NASP: variants seen among roughly 807,000 people sequenced by gnomAD.
NASP encodes the protein NASP histone chaperone.
A neutral mutation model predicts 89.5 loss-of-function variants in NASP; 24 were observed. The ratio of observed to expected loss-of-function variants is 0.27; its 90% CI spans 0.19 to 0.38. The LOEUF (loss-of-function observed/expected upper bound fraction) is 0.38, where lower values mean the gene tolerates loss of function less well. Among genes scored for constraint, NASP ranks in the 10% least tolerant of loss-of-function variants. The probability of loss-of-function intolerance (pLI) is 1.00; values close to 1 mark genes in which losing one functional copy is unlikely to be tolerated. For missense variants in NASP, 848 were observed against 921.4 expected, an observed-to-expected ratio of 0.92 and a Z score of 1.03; for synonymous variants, 306 against 324.7, an observed-to-expected ratio of 0.94 and a Z score of 0.62.
At chr1:45,585,661 GTGTTTTTGTTT>G (rs1403824103) in intron 1 of NASP, among the ~76,000 whole-genome samples, 1 of 152,118 alleles carries the variant, frequency 6.6e-6, no homozygotes, top group Non-Finnish European at 1.5e-5. Context: ...TGACAGCTGT[GTGTTTTTGTTT>G]TGTTTTTGCA....
At chr1:45,584,626 C>G (rs999285906) in intron 1 of NASP, among the ~76,000 whole-genome samples, 4 of 148,232 alleles carry the variant, frequency 2.7e-5, no homozygotes, top group Non-Finnish European at 4.5e-5. Flanking sequence ...AGATTTGGCG[C>G]CAAAAGGGAA....
At chr1:45,588,729 G>A (rs1255106860) in intron 1 of NASP, 2 of 374,190 alleles carry the variant, frequency 5.3e-6, no homozygotes, top group Non-Finnish European at 1.1e-5. Context: ...ACGAGGTCAG[G>A]AGATCGAGAC....
At chr1:45,586,282 GTGGTGTGT>G (rs1409008088) in intron 1 of NASP, among the ~76,000 whole-genome samples, 4 of 39,828 alleles carry the variant, frequency 1.0e-4, no homozygotes, top group East Asian at 6.2e-4. Context: ...GTGTGTGTGT[GTGGTGTGT>G]GTGTGTGTGT....
At chr1:45,610,687 A>G (rs1643992762) in intron 6 of NASP, 1 of 151,676 alleles carries the variant, frequency 6.6e-6, no homozygotes, top group Non-Finnish European at 1.5e-5. Flanking sequence ...ACAGCCTCAA[A>G]CTCCTATGCT....
At chr1:45,593,817 G>A (rs780820815) in intron 2 of NASP, among the ~76,000 whole-genome samples, 77 of 149,796 alleles carry the variant, frequency 5.1e-4, no homozygotes, top group Non-Finnish European at 9.5e-4. Context: ...CCAGGAGTTC[G>A]AGACCAGCCT....
intron 1 of NASP, among the ~76,000 whole-genome samples, chr1:45,590,549 CAAAAAAA>C (rs1036511604): frequency 5.1e-5 from 3 of 58,990 alleles, no homozygotes; most frequent in East Asian, 5.0e-4. Flanking sequence ...GACTCTGTCT[CAAAAAAA>C]AAAAAAAAAA....
In NASP at chr1:45,591,227, G is replaced by A; in HGVS notation, c.64G>A (p.Glu22Lys). The A allele has an allele frequency of 1.3e-6, 2 of 1,532,310 alleles. No homozygotes were observed. The highest frequency in any genetic ancestry group is 2.6e-5 in the South Asian group (2 of 77,712). 94.9% of individuals were successfully genotyped at this position (1,532,310 alleles called of 1,614,324 possible). A position where few individuals can be genotyped will look rare whatever the true frequency, so the allele number is the denominator to read the frequency against. Residue 22 changes from glutamate (E) to lysine (K), a missense_variant, in exon 2 of 15, where the codon GAA becomes AAA. Around this residue, in one of 5 missense-constraint regions of NASP, gnomAD observed 89 missense variants for 79.2 expected, o/e 1.12. Transcript: ENST00000350030. Reference sequence around the variant, plus strand: ...CCCTTTAATTTTTTATTACAGAATTGAAGATGTTCCTGCTCCTTCTACATC... The same window carrying A: ...CCCTTTAATTTTTTATTACAGAATTAAAGATGTTCCTGCTCCTTCTACATC... Reference protein sequence around the residue: ...AAELVSADKIEDVPAPSTSAD... With the variant: ...AAELVSADKIKDVPAPSTSAD...
rs1325707709 is a variant in NASP at position 45,605,088 on chromosome 1, G to A, written c.299+72G>A. The A allele has an allele frequency of 9.8e-6, 12 of 1,224,014 alleles. No homozygotes were observed. The African/African-American group carries it at 1.3e-4, about 14-fold the overall frequency. 75.8% of individuals were successfully genotyped at this position (1,224,014 alleles called of 1,614,324 possible). A position where few individuals can be genotyped will look rare whatever the true frequency, so the allele number is the denominator to read the frequency against. On this transcript the variant is annotated intron_variant, in intron 4 of 14. Coordinates refer to ENST00000350030, the MANE Select transcript of NASP (RefSeq NM_002482.4). ...TTACTAGCTTTGAGATTTCACAGGA[G>A]CTAAGCAAGATTGGTTTTACCTAGA...
intron 13 of NASP, 78 bp from the exon 14 acceptor site, chr1:45,617,385 G>A (rs1458340993): frequency 8.6e-6 from 13 of 1,508,630 alleles, no homozygotes; most frequent in African/African-American, 1.4e-5. Flanking sequence ...TGCACCACAA[G>A]GGTTAAGGAA....
Position 45,614,029 on chromosome 1 carries a change from TAA to T in NASP, c.1507-66_1507-65del, listed in dbSNP as rs1481163861. The T allele has an allele frequency of 6.2e-6, 8 of 1,293,596 alleles. No homozygotes were observed. In the South Asian group the frequency reaches 6.2e-5, roughly 10 times the overall value. 80.1% of individuals were successfully genotyped at this position (1,293,596 alleles called of 1,614,324 possible). A position where few individuals can be genotyped will look rare whatever the true frequency, so the allele number is the denominator to read the frequency against. ...TATATCAACTTTTTTTAAGCTACGC[TAA>T]GTTATACATTTAGATTTGTATTTGA... is the stretch of plus-strand genomic sequence containing the variant. On this transcript the variant is annotated intron_variant, in intron 7 of 14. Transcript: ENST00000350030.
At chr1:45,617,715 C>G in intron 14 of NASP, 124 bp downstream of exon 14, 1 of 1,177,684 alleles carries the variant, frequency 8.5e-7, no homozygotes, top group Non-Finnish European at 1.2e-6. Context: ...GTGCAGTCCT[C>G]ACAGAAAACG....
chr1:45,588,507 C>G, intron 1 of NASP: 1 of 301,868 alleles, frequency 3.3e-6, no homozygotes, highest in Non-Finnish European at 6.6e-6. Context: ...CTTCTGCCTT[C>G]CAAAGTGCAG....
chr1:45,614,879 A>G, intron 9 of NASP, 134 bp from the exon 10 acceptor site: 2 of 791,130 alleles, frequency 2.5e-6, no homozygotes, highest in South Asian at 1.9e-5. Flanking sequence ...TTTATAGCCA[A>G]GGGTCCTGGA....
chr1:45,590,428 G>A (rs981437786), intron 1 of NASP, among the ~76,000 whole-genome samples: 10 of 151,234 alleles, frequency 6.6e-5, no homozygotes, highest in Middle Eastern at 3.6e-3. Flanking sequence ...CACAGGCACC[G>A]GCCTGGCACC....
intron 2 of NASP, among the ~76,000 whole-genome samples, chr1:45,593,532 C>CA (rs1317324292): frequency 3.5e-5 from 5 of 144,552 alleles, no homozygotes; most frequent in South Asian, 2.2e-4. Flanking sequence ...GACTGTCCCC[C>CA]CCCAAAAAAA....
chr1:45,609,079 T>C (rs1179318932), intron 6 of NASP, among the ~76,000 whole-genome samples: 1 of 152,214 alleles, frequency 6.6e-6, no homozygotes, highest in Non-Finnish European at 1.5e-5. Context: ...TTATAAAGTG[T>C]GGATGCTTTC....
chr1:45,607,199 C>G, intron 5 of NASP, 122 bp from the exon 6 acceptor site: 1 of 989,634 alleles, frequency 1.0e-6, no homozygotes, highest in South Asian at 1.8e-5. Flanking sequence ...AATTTTTAGG[C>G]CATCTGCTGA....
At chr1:45,595,125 A>C in intron 2 of NASP, among the ~76,000 whole-genome samples, 1 of 120,482 alleles carries the variant, frequency 8.3e-6, no homozygotes, top group East Asian at 2.8e-4. Flanking sequence ...TGCCAGACTA[A>C]GTTTTGTGTG....
chr1:45,594,750 C>T (rs1168586998), intron 2 of NASP: 2 of 455,150 alleles, frequency 4.4e-6, no homozygotes, highest in South Asian at 3.1e-5. Context: ...CTCACCTCAG[C>T]CACCTGAAGT....
Sources: allele counts gnomAD v4.1 joint callset (sites outside exome capture counted in the v4.1 genomes callset), GRCh38; gene constraint gnomAD v4.1.1; regional missense constraint gnomAD v4.1.1; transcripts MANE v1.5; gene names NCBI Gene and HGNC (gene_info 2026-07-23, HGNC 2026-07-21).